TBC1D14: variants seen among roughly 807,000 people sequenced by gnomAD.
TBC1D14 encodes TBC1 domain family member 14, also known as TBC1 domain family, member 14.
Under a neutral mutation model 79.0 loss-of-function variants are expected in TBC1D14, and 26 were observed. That is an observed-to-expected ratio of 0.33 (90% CI 0.24 to 0.46). TBC1D14 has a LOEUF of 0.46. Ranked by LOEUF, TBC1D14 falls within the 20% of genes least tolerant of loss-of-function variation. TBC1D14 has a pLI of 1.00. For missense variants in TBC1D14, 769 were observed against 887.6 expected (o/e 0.87, Z 1.70); for synonymous variants, 394 against 349.9 (o/e 1.13, Z -1.40).
intron 13 of TBC1D14, among the ~76,000 whole-genome samples, chr4:7,027,694 C>A: frequency 9.3e-6 from 1 of 108,010 alleles, no homozygotes; most frequent in Non-Finnish European, 1.8e-5. Flanking sequence ...CACAAAATCA[C>A]CCCCCACACA....
At chr4:6,915,850 C>T (rs1723354023) in intron 1 of TBC1D14, among the ~76,000 whole-genome samples, 1 of 151,820 alleles carries the variant, frequency 6.6e-6, no homozygotes, top group Non-Finnish European at 1.5e-5. Flanking sequence ...CATGGTGGCT[C>T]ACGCCTGTAG....
intron 2 of TBC1D14, among the ~76,000 whole-genome samples, chr4:6,953,457 T>A (rs1318057734): frequency 1.1e-4 from 13 of 114,118 alleles, no homozygotes; most frequent in South Asian, 3.1e-4. Flanking sequence ...CCGTCTCTAC[T>A]AAAAAAAAAA....
At chr4:6,953,842 C>T (rs992776997) in intron 2 of TBC1D14, among the ~76,000 whole-genome samples, 3 of 151,232 alleles carry the variant, frequency 2.0e-5, no homozygotes, top group African/African-American at 4.9e-5. Context: ...AGGCACAGTG[C>T]CTGGCACACT....
chr4:6,953,427 C>T (rs543344879), intron 2 of TBC1D14, among the ~76,000 whole-genome samples: 71 of 130,874 alleles, frequency 5.4e-4, no homozygotes, highest in African/African-American at 1.9e-3. Flanking sequence ...CGAGACCATC[C>T]TGGCTAACAC....
chr4:6,978,069 T>TGG (rs747192899), intron 3 of TBC1D14, among the ~76,000 whole-genome samples: 41 of 144,456 alleles, frequency 2.8e-4, no homozygotes, highest in Non-Finnish European at 4.6e-4. Flanking sequence ...GGGAGGGAGG[T>TGG]GGGGGTCAGC....
chr4:6,943,182 A>G (rs1421600539), intron 2 of TBC1D14, among the ~76,000 whole-genome samples: 2 of 151,624 alleles, frequency 1.3e-5, no homozygotes, highest in Non-Finnish European at 2.9e-5. Context: ...CCGTGCCTGA[A>G]GCGGCACACA....
At position 7,009,840 on chromosome 4, in the gene TBC1D14, C is replaced by T. The variant is rs550351663; in HGVS notation, c.1447-37C>T. 1.9e-5 allele frequency: 30 copies of T among 1,605,358 alleles called. 1 individual carries two copies. The South Asian group carries it at 2.9e-4, about 15-fold the overall frequency. ...TGTTCGTCTGAGCACTAACAGTACT[C>T]ATGCATGTGTTGTTTTTGCTGTGTT... On this transcript the variant is annotated intron_variant, in intron 9 of 13. Coordinates refer to ENST00000409757, the MANE Select transcript of TBC1D14 (RefSeq NM_020773.3).
intron 2 of TBC1D14, among the ~76,000 whole-genome samples, chr4:6,951,214 C>A (rs977140993): frequency 7.9e-5 from 12 of 152,126 alleles, no homozygotes; most frequent in Non-Finnish European, 8.8e-5. Flanking sequence ...ATCGCTTGAA[C>A]CCAAGAGATG....
intron 1 of TBC1D14, among the ~76,000 whole-genome samples, chr4:6,914,322 G>C (rs986592846): frequency 1.3e-5 from 2 of 152,280 alleles, no homozygotes; most frequent in South Asian, 2.1e-4. Context: ...TAAGTTCCAG[G>C]TGTCTGAAAG....
In TBC1D14 at chr4:6,999,182, C is replaced by A; in HGVS notation, c.1143C>A (p.Ile381=). ...CTGTGCTCACCTGGAATAATGAGAT[C>A]TTACCTAACTGGGAAACAATGTAAG... ...GNAVLTWNNE[I]LPNWETMWCS... The change falls in exon 6 of 14, where the codon ATC becomes ATA. Residue 381 remains isoleucine (I), a synonymous_variant. Transcript: ENST00000409757. The A allele has an allele frequency of 6.2e-7, 1 of 1,613,934 alleles. No individual in the cohort carries two copies. The highest frequency in any genetic ancestry group is 8.5e-7 in the Non-Finnish European group (1 of 1,179,814).
chr4:7,011,809 C>A (rs968594672), intron 11 of TBC1D14, among the ~76,000 whole-genome samples: 1 of 151,730 alleles, frequency 6.6e-6, no homozygotes, highest in Non-Finnish European at 1.5e-5. Context: ...CCACCTGCCT[C>A]GGCCTCCCAA....
chr4:7,004,746 T>C (rs1345586852), intron 7 of TBC1D14, 98 bp from the exon 8 acceptor site: 139 of 1,113,080 alleles, frequency 1.2e-4, no homozygotes, highest in Non-Finnish European at 1.1e-4. Flanking sequence ...CTATTATAGT[T>C]GAACTTAAGT....
At chr4:7,024,876 G>A (rs1722188740) in intron 12 of TBC1D14, 128 bp from the exon 13 acceptor site, 1 of 1,266,090 alleles carries the variant, frequency 7.9e-7, no homozygotes, top group African/African-American at 1.5e-5. Context: ...TGCAGGCCTG[G>A]CCCTGGCCCC....
intron 2 of TBC1D14, among the ~76,000 whole-genome samples, chr4:6,927,908 G>C (rs1003975281): frequency 1.3e-5 from 2 of 152,178 alleles, no homozygotes; most frequent in Non-Finnish European, 2.9e-5. Context: ...CCATGTTAAG[G>C]GATCATATGA....
In TBC1D14 at chr4:6,978,754, A is replaced by G. The variant is rs1411760709; in HGVS notation, c.843+11330A>G. Among the ~76,000 whole-genome samples the G allele has an allele frequency of 4.6e-5, 7 of 150,904 alleles. No individual in the cohort carries two copies. In the East Asian group the frequency reaches 1.3e-3, roughly 29 times the overall value. ...ATGATCAATTAAAAAAAAAAAAAAA[A>G]AAGAAAAGAAAATCAGGGCACATAA... On this transcript the variant is annotated intron_variant, in intron 3 of 13. Coordinates refer to ENST00000409757, the MANE Select transcript of TBC1D14 (RefSeq NM_020773.3).
chr4:6,937,925 C>CGTCTG (rs1423950932), intron 2 of TBC1D14, among the ~76,000 whole-genome samples: 1 of 151,900 alleles, frequency 6.6e-6, no homozygotes, highest in Non-Finnish European at 1.5e-5. Context: ...GTTTCCACCA[C>CGTCTG]GTCTGACGTA....
chr4:7,007,551 G>C (rs181181103), intron 9 of TBC1D14: 25 of 1,289,190 alleles, frequency 1.9e-5, no homozygotes, highest in Non-Finnish European at 2.3e-5. Flanking sequence ...TTTCCGTGTG[G>C]GTCTTCAGAA....
At chr4:7,021,317 G>T (rs947476416) in intron 12 of TBC1D14, among the ~76,000 whole-genome samples, 3 of 152,226 alleles carry the variant, frequency 2.0e-5, no homozygotes, top group African/African-American at 7.2e-5. Context: ...ATCATTTTGG[G>T]CTGGGTGTGG....
At chr4:6,951,553 T>C (rs1339055586) in intron 2 of TBC1D14, among the ~76,000 whole-genome samples, 2 of 152,182 alleles carry the variant, frequency 1.3e-5, no homozygotes, top group African/African-American at 4.8e-5. Flanking sequence ...AAGGGAATTT[T>C]TAAAAATGTG....
Sources: allele counts gnomAD v4.1 joint callset (sites outside exome capture counted in the v4.1 genomes callset), GRCh38; gene constraint gnomAD v4.1.1; transcripts MANE v1.5; gene names NCBI Gene and HGNC (gene_info 2026-07-23, HGNC 2026-07-21).